Variants in ST8SIA6 observed in about 807,000 individuals in gnomAD.
ST8SIA6 encodes alpha-2,8-sialyltransferase 8F.
In ST8SIA6, 39 loss-of-function variants were observed where a neutral mutation model predicts 33.6. That is an observed-to-expected ratio of 1.16 (90% CI 0.90 to 1.52). The LOEUF is 1.52. Ranked by LOEUF, ST8SIA6 falls within the 40% of genes most tolerant of loss-of-function variation. ST8SIA6 has a pLI of 0.00. For missense variants in ST8SIA6, 441 were observed against 443.8 expected (o/e 0.99, Z 0.06); for synonymous variants, 172 against 167.2 (o/e 1.03, Z -0.22).
intron 4 of ST8SIA6, 136 bp downstream of exon 4, chr10:17,359,378 G>A: frequency 1.7e-6 from 1 of 594,354 alleles, no homozygotes; most frequent in Non-Finnish European, 3.0e-6. Flanking sequence ...TCATGAGAGG[G>A]TCTTAGAATT....
At chr10:17,334,354 A>C (rs1002230707) in intron 4 of ST8SIA6, among the ~76,000 whole-genome samples, 12 of 151,550 alleles carry the variant, frequency 7.9e-5, no homozygotes, top group African/African-American at 2.4e-4. Flanking sequence ...CCTGGCTAAC[A>C]CGGTGAAACC....
intron 2 of ST8SIA6, among the ~76,000 whole-genome samples, chr10:17,449,723 G>A (rs1852843385): frequency 1.3e-5 from 2 of 152,136 alleles, no homozygotes; most frequent in Non-Finnish European, 2.9e-5. Flanking sequence ...AGTTAGACTT[G>A]GAGGTTTGCA....
intron 2 of ST8SIA6, among the ~76,000 whole-genome samples, chr10:17,402,606 G>A (rs1851088682): frequency 1.3e-5 from 2 of 152,156 alleles, no homozygotes; most frequent in South Asian, 2.1e-4. Flanking sequence ...AAAAAAGGAC[G>A]AGTTCATGTC....
chr10:17,370,082 G>A (rs559368122), intron 3 of ST8SIA6, among the ~76,000 whole-genome samples: 13 of 151,488 alleles, frequency 8.6e-5, no homozygotes, highest in Admixed American at 3.3e-4. Flanking sequence ...CTGGGTTCAC[G>A]CCATTCTTCT....
chr10:17,360,771 A>G (rs577418867), intron 3 of ST8SIA6, among the ~76,000 whole-genome samples: 55 of 152,202 alleles, frequency 3.6e-4, no homozygotes, highest in African/African-American at 1.3e-3. Context: ...GAACAGGTAA[A>G]TAGAGAACAA....
chr10:17,331,617 C>T lies in ST8SIA6; in HGVS notation c.378-65G>A, dbSNP rs1388240765. 9 of 1,495,220 alleles carry T rather than the reference C, an allele frequency of 6.0e-6. No homozygotes were observed. The South Asian group carries it at 1.1e-4, about 18-fold the overall frequency. The allele number at this position is 1,495,220 out of a possible 1,614,324, so 92.6% of individuals were successfully genotyped here. On this transcript the variant is annotated intron_variant, in intron 4 of 7. Coordinates refer to ENST00000377602, the MANE Select transcript of ST8SIA6 (RefSeq NM_001004470.3). ...ATTAAGAAACCGAAAATGCAGACCA[C>T]GATGGACAATGCCGAAGAGGATTTT...
Position 17,371,566 on chromosome 10 carries a change from C to T in ST8SIA6, c.291-11966G>A, listed in dbSNP as rs143227318. On this transcript the variant is annotated intron_variant, in intron 3 of 7. Transcript: ENST00000377602. ...TTGGAAGGGAGAGGTGGGAGGATGA[C>T]CTGAGATCAGGAGTTTGACACCAGC... Among the ~76,000 whole-genome samples the T allele has an allele frequency of 2.0e-3, 299 of 151,982 alleles. 1 individual carries two copies. Among genetic ancestry groups the T allele is most frequent in the Non-Finnish European group, 6.6e-4 (45 of 67,966 alleles).
intron 2 of ST8SIA6, among the ~76,000 whole-genome samples, chr10:17,391,903 T>C (rs186851623): frequency 7.9e-5 from 12 of 152,296 alleles, no homozygotes; most frequent in Admixed American, 2.0e-4. Flanking sequence ...ATATATATGC[T>C]AAGGAAACAA....
chr10:17,359,890 G>A (rs1031339415), intron 3 of ST8SIA6, among the ~76,000 whole-genome samples: 3 of 151,874 alleles, frequency 2.0e-5, no homozygotes, highest in African/African-American at 7.3e-5. Context: ...ATTTCACCTT[G>A]GCTTAAAATA....
chr10:17,423,760 C>T (rs1229051873), intron 2 of ST8SIA6, among the ~76,000 whole-genome samples: 1 of 152,208 alleles, frequency 6.6e-6, no homozygotes, highest in East Asian at 1.9e-4. Flanking sequence ...AGTCAGGCAT[C>T]CCTGATGGGC....
intron 2 of ST8SIA6, among the ~76,000 whole-genome samples, chr10:17,400,407 C>A (rs1313934946): frequency 6.6e-6 from 1 of 152,172 alleles, no homozygotes; most frequent in Non-Finnish European, 1.5e-5. Flanking sequence ...TGGCACATAC[C>A]TGTAATCACA....
At chr10:17,421,360 A>G (rs1427036652) in intron 2 of ST8SIA6, among the ~76,000 whole-genome samples, 2 of 152,152 alleles carry the variant, frequency 1.3e-5, no homozygotes, top group Non-Finnish European at 2.9e-5. Context: ...CCTATATACA[A>G]ATCTGTATCC....
At chr10:17,417,388 ATGCCATG>A (rs1851636996) in intron 2 of ST8SIA6, among the ~76,000 whole-genome samples, 1 of 152,048 alleles carries the variant, frequency 6.6e-6, no homozygotes, top group Admixed American at 6.6e-5. Context: ...CTTCTCAAAT[ATGCCATG>A]TTTAGGGCTG....
chr10:17,377,394 G>A (rs997604642), intron 3 of ST8SIA6, among the ~76,000 whole-genome samples: 2 of 152,134 alleles, frequency 1.3e-5, no homozygotes, highest in East Asian at 1.9e-4. Flanking sequence ...ACATGGACAC[G>A]CCTAACAGAG....
intron 4 of ST8SIA6, among the ~76,000 whole-genome samples, chr10:17,348,558 T>G (rs533774464): frequency 1.3e-5 from 2 of 152,140 alleles, no homozygotes; most frequent in Non-Finnish European, 2.9e-5. Context: ...GAGAAACAGG[T>G]AGGCAGTTCA....
chr10:17,370,030 C>A (rs1004681670), intron 3 of ST8SIA6, among the ~76,000 whole-genome samples: 2 of 148,978 alleles, frequency 1.3e-5, no homozygotes, highest in African/African-American at 5.0e-5. Flanking sequence ...CTAGCTCTGT[C>A]GCTGCAGTGG....
At chr10:17,446,956 G>A (rs1430810597) in intron 2 of ST8SIA6, among the ~76,000 whole-genome samples, 1 of 148,328 alleles carries the variant, frequency 6.7e-6, no homozygotes, top group Non-Finnish European at 1.5e-5. Context: ...GCTGAGGCAG[G>A]AGAATTGCTA....
intron 3 of ST8SIA6, among the ~76,000 whole-genome samples, chr10:17,384,403 T>A (rs527830689): frequency 1.3e-5 from 2 of 152,312 alleles, no homozygotes; most frequent in East Asian, 3.9e-4. Flanking sequence ...AAAATAATTA[T>A]TCATGCTGCA....
At chr10:17,395,501 C>T (rs991774438) in intron 2 of ST8SIA6, among the ~76,000 whole-genome samples, 1 of 152,114 alleles carries the variant, frequency 6.6e-6, no homozygotes, top group Non-Finnish European at 1.5e-5. Flanking sequence ...CAGGCTCTTA[C>T]AGGCTCAAAG....
Sources: gnomAD v4.1 joint callset for allele counts (sites outside exome capture counted in the v4.1 genomes callset) on GRCh38, gnomAD v4.1.1 for gene constraint, MANE v1.5 for transcripts, NCBI Gene and HGNC (gene_info 2026-07-23, HGNC 2026-07-21) for gene names.